The following GSK3B variants were observed in gnomAD, a reference collection of about 807,000 sequenced individuals.
GSK3B encodes glycogen synthase kinase 3 beta.
In GSK3B, 15 loss-of-function variants were observed where a neutral mutation model predicts 56.4. That is an observed-to-expected ratio of 0.27 (90% confidence interval 0.18 to 0.41). The LOEUF is 0.41. GSK3B is among the 10% of genes least tolerant of loss of function. The pLI is 1.00. For synonymous variants in GSK3B, 181 were observed against 188.9 expected (o/e 0.96, Z 0.34); for missense variants, 300 against 513.4 (o/e 0.58, Z 4.02).
chr3:119,978,207 A>G (rs6795874), intron 2 of GSK3B, among the ~76,000 whole-genome samples: 42,843 of 151,770 alleles, frequency 0.28, 7,968 homozygotes, highest in African/African-American at 0.54. Flanking sequence ...AACTCCTCCC[A>G]GATCAGAGAC....
At chr3:119,951,186 A>G (rs764337309) in intron 2 of GSK3B, among the ~76,000 whole-genome samples, 2 of 152,238 alleles carry the variant, frequency 1.3e-5, no homozygotes, top group Non-Finnish European at 2.9e-5. Flanking sequence ...GGGAGGCTCA[A>G]CAGAGCCCCG....
chr3:119,870,194 C>T (rs1304410257), intron 8 of GSK3B, among the ~76,000 whole-genome samples: 1 of 152,174 alleles, frequency 6.6e-6, no homozygotes, highest in African/African-American at 2.4e-5. Flanking sequence ...TGGAAGTCTG[C>T]CTTGTAACAC....
At position 119,826,513 on chromosome 3, in the gene GSK3B, G is replaced by A; in HGVS notation, c.*275C>T. On this transcript the variant is annotated 3_prime_UTR_variant, in exon 11 of 11. Coordinates refer to ENST00000264235, the MANE Select transcript of GSK3B (RefSeq NM_001146156.2). ...TTAATAAAAAAAGATTGTCGTGGGA[G>A]AGAGATTGTATGTTCTAGTGCTCCG... The A allele has an allele frequency of 1.8e-6, 1 of 561,660 alleles. No individual in the cohort carries two copies. Among genetic ancestry groups the A allele is most frequent in the South Asian group, 2.0e-5 (1 of 49,644 alleles). The allele number at this position is 561,660 out of a possible 1,614,324, so 34.8% of individuals were successfully genotyped here.
At chr3:120,080,308 G>T (rs2058407635) in intron 1 of GSK3B, among the ~76,000 whole-genome samples, 1 of 151,346 alleles carries the variant, frequency 6.6e-6, no homozygotes, top group South Asian at 2.1e-4. Flanking sequence ...GGTGGGAGGA[G>T]GGGGAGGGAA....
At chr3:119,878,695 T>C (rs756894185) in intron 7 of GSK3B, among the ~76,000 whole-genome samples, 9 of 151,962 alleles carry the variant, frequency 5.9e-5, no homozygotes, top group African/African-American at 1.7e-4. Context: ...TGCTAAACAG[T>C]AGAAACAAAC....
intron 7 of GSK3B, 55 bp downstream of exon 7, chr3:119,905,700 T>C: frequency 2.0e-6 from 2 of 985,244 alleles, no homozygotes; most frequent in Non-Finnish European, 3.3e-6. Flanking sequence ...ATATATATTA[T>C]TAAAGTAGCA....
chr3:119,986,548 A>T (rs1248327132), intron 2 of GSK3B, among the ~76,000 whole-genome samples: 1 of 152,204 alleles, frequency 6.6e-6, no homozygotes, highest in African/African-American at 2.4e-5. Context: ...TTGTCAAAAG[A>T]AGACATCTAT....
chr3:119,934,807 T>C (rs1181923550), intron 3 of GSK3B, among the ~76,000 whole-genome samples: 2 of 152,130 alleles, frequency 1.3e-5, no homozygotes, highest in Admixed American at 6.6e-5. Context: ...ACATATAATA[T>C]ATGTGCTCAT....
chr3:119,960,829 A>G (rs2057264955), intron 2 of GSK3B, among the ~76,000 whole-genome samples: 1 of 151,990 alleles, frequency 6.6e-6, no homozygotes, highest in Admixed American at 6.6e-5. Context: ...ATCCCTCCCC[A>G]CTATAATATA....
chr3:119,869,238 A>AAAAAC (rs2056223083), intron 8 of GSK3B, among the ~76,000 whole-genome samples: 2 of 150,118 alleles, frequency 1.3e-5, no homozygotes, highest in Non-Finnish European at 3.0e-5. Context: ...AAAAAAAAAA[A>AAAAAC]AAAAAAAACA....
intron 1 of GSK3B, among the ~76,000 whole-genome samples, chr3:120,038,992 C>CTCTTAAAAA (rs1353334930): frequency 2.0e-5 from 3 of 151,868 alleles, no homozygotes; most frequent in Admixed American, 2.0e-4. Flanking sequence ...ACTCTTAAAA[C>CTCTTAAAAA]TCAATAATAA....
Position 120,093,550 on chromosome 3 carries a change from A to G in GSK3B, c.-116T>C, listed in dbSNP as rs2058532967. ...GCATTAAGTTCTCCCACAGAAGAAA[A>G]AGAAAAAGACTTCGTCCTCTTGGCT... On this transcript the variant is annotated 5_prime_UTR_variant, in exon 1 of 11. Transcript: ENST00000264235. The G allele has an allele frequency of 2.9e-6, 2 of 683,848 alleles. No homozygotes were observed. The highest frequency in any genetic ancestry group is 5.2e-6 in the Non-Finnish European group (2 of 384,380). 42.4% of individuals were successfully genotyped at this position (683,848 alleles called of 1,614,324 possible). A position where few individuals can be genotyped will look rare whatever the true frequency, so the allele number is the denominator to read the frequency against.
chr3:119,919,971 G>A (rs1467113491), intron 4 of GSK3B, among the ~76,000 whole-genome samples: 9 of 152,090 alleles, frequency 5.9e-5, no homozygotes, highest in African/African-American at 2.2e-4. Context: ...ATAACTGCAT[G>A]TTTGCTTATT....
chr3:120,091,880 A>G (rs899271216), intron 1 of GSK3B, among the ~76,000 whole-genome samples: 1 of 152,160 alleles, frequency 6.6e-6, no homozygotes, highest in African/African-American at 2.4e-5. Context: ...TACCTAGACT[A>G]CCCTGTTTCA....
intron 2 of GSK3B, among the ~76,000 whole-genome samples, chr3:119,989,006 T>C (rs78548554): frequency 0.017 from 2,627 of 152,336 alleles, 79 homozygotes; most frequent in African/African-American, 0.06. Context: ...TATTTTCTAC[T>C]GCTTAAATTA....
chr3:119,826,877 G>A lies in GSK3B; in HGVS notation c.1196-22C>T, dbSNP rs758647249. On this transcript the variant is annotated intron_variant, in intron 10 of 10. Coordinates refer to ENST00000264235, the MANE Select transcript of GSK3B (RefSeq NM_001146156.2). ...GCATCTGCAAGTCAAAAAGTCCCAA[G>A]AGAGAGCATGAGCAATGCTATAACA... 5 of 1,467,760 alleles carry A rather than the reference G, an allele frequency of 3.4e-6. No homozygotes were observed. The African/African-American group carries it at 6.9e-5, about 20-fold the overall frequency. 90.9% of individuals were successfully genotyped at this position (1,467,760 alleles called of 1,614,324 possible).
In GSK3B at chr3:120,034,967, C is replaced by T. The variant is rs148301387; in HGVS notation, c.89-32728G>A. Among the ~76,000 whole-genome samples, 24 of 152,188 alleles carry T rather than the reference C, an allele frequency of 1.6e-4. 1 individual carries two copies. The East Asian group carries it at 4.6e-3, about 29-fold the overall frequency. The stretch of plus-strand genomic sequence containing the variant: ...AATTAGCTAGGCGTGGTGGCAGGCA[C>T]CTGTAGTCCCAGCTACTCGGGTGGC... On this transcript the variant is annotated intron_variant, in intron 1 of 10. Coordinates refer to ENST00000264235, the MANE Select transcript of GSK3B (RefSeq NM_001146156.2).
At chr3:120,086,753 C>A (rs1413867620) in intron 1 of GSK3B, among the ~76,000 whole-genome samples, 4 of 152,016 alleles carry the variant, frequency 2.6e-5, no homozygotes, top group African/African-American at 7.3e-5. Context: ...CAAGACTGTG[C>A]CACTGCACTC....
In GSK3B at chr3:119,899,877, C is replaced by T. The variant is rs182892287; in HGVS notation, c.813+5878G>A. Among the ~76,000 whole-genome samples, 7 of 152,108 alleles carry T rather than the reference C, an allele frequency of 4.6e-5. No homozygotes were observed. In the East Asian group the frequency reaches 5.8e-4, roughly 13 times the overall value. On this transcript the variant is annotated intron_variant, in intron 7 of 10. Transcript: ENST00000264235. ...GTAGGTCCTTCTAAATCTTTTTCTA[C>T]GGATAGGCATCATAAGAAATGAAGC...
Sources: gnomAD v4.1 joint callset for allele counts (sites outside exome capture counted in the v4.1 genomes callset) on GRCh38, gnomAD v4.1.1 for gene constraint, MANE v1.5 for transcripts, NCBI Gene and HGNC (gene_info 2026-07-23, HGNC 2026-07-21) for gene names.